EML6: variants seen among roughly 807,000 people sequenced by gnomAD.
EML6 encodes echinoderm microtubule-associated protein-like 6.
EML6 carries 154 observed loss-of-function variants against 240.1 expected under a neutral mutation model. That is an observed-to-expected ratio of 0.64 (90% CI 0.56 to 0.73). EML6 has a LOEUF of 0.73. Ranked by LOEUF, EML6 falls within the 30% of genes least tolerant of loss-of-function variation. The probability of loss-of-function intolerance (pLI) is 0.00; values close to 1 mark genes in which losing one functional copy is unlikely to be tolerated. For synonymous variants in EML6, 1,148 were observed against 899.0 expected (o/e 1.28, Z -4.95); for missense variants, 2,964 against 2,474.6 (o/e 1.20, Z -4.20).
At chr2:54,830,952 A>G (rs911542203) in intron 7 of EML6, among the ~76,000 whole-genome samples, 4 of 152,186 alleles carry the variant, frequency 2.6e-5, no homozygotes, top group Non-Finnish European at 5.9e-5. Context: ...GTCTACCTCA[A>G]TGTAGGGACA....
chr2:54,940,951 A>T (rs915748440), intron 28 of EML6, among the ~76,000 whole-genome samples: 3 of 152,234 alleles, frequency 2.0e-5, no homozygotes, highest in Non-Finnish European at 2.9e-5. Context: ...CAGGTTTACA[A>T]TGAAACAAAG....
intron 2 of EML6, among the ~76,000 whole-genome samples, chr2:54,802,779 T>G (rs2103981175): frequency 6.6e-6 from 1 of 152,304 alleles, no homozygotes; most frequent in Non-Finnish European, 1.5e-5. Flanking sequence ...CACCCTGTGC[T>G]GAGCGTTCCC....
Position 54,816,850 on chromosome 2 carries a change from A to C in EML6, c.421A>C (p.Lys141Gln). 1 of 1,551,554 alleles carries C rather than the reference A, an allele frequency of 6.4e-7. No homozygotes were observed. The highest frequency in any genetic ancestry group is 1.7e-4 in the Middle Eastern group (1 of 5,992). The change falls in exon 4 of 42, where the codon AAA (lysine) becomes CAA (glutamine). Residue 141 changes from lysine to glutamine, a missense_variant. Transcript: ENST00000356458. Reference sequence around the variant, plus strand: ...CTGCATTTGGGACTGGAGGAAGGGAAAACTTCTGGCGTCAGCCACCGGCCA... The same window carrying C: ...CTGCATTTGGGACTGGAGGAAGGGACAACTTCTGGCGTCAGCCACCGGCCA... ...TVCIWDWRKG[K>Q]LLASATGHSD...
At chr2:54,908,722 C>T (rs1289099311) in intron 24 of EML6, among the ~76,000 whole-genome samples, 1 of 152,080 alleles carries the variant, frequency 6.6e-6, no homozygotes, top group Non-Finnish European at 1.5e-5. Flanking sequence ...CCTCGGCTGC[C>T]CCAAAATGCC....
Position 54,891,132 on chromosome 2 carries a change from C to A in EML6, c.2517C>A (p.His839Gln). The A allele has an allele frequency of 6.8e-7, 1 of 1,481,272 alleles. No individual in the cohort carries two copies. The highest frequency in any genetic ancestry group is 1.3e-5 in the South Asian group (1 of 75,080). 91.8% of individuals were successfully genotyped at this position (1,481,272 alleles called of 1,614,324 possible). A position where few individuals can be genotyped will look rare whatever the true frequency, so the allele number is the denominator to read the frequency against. The change falls in exon 18 of 42, where the codon CAC (histidine) becomes CAA (glutamine). Residue 839 changes from histidine (H) to glutamine (Q), a missense_variant. By Grantham distance (24) the His-to-Gln change is conservative. Transcript: ENST00000356458. ...AACTGGTTACAGTTGGGATAAAACA[C>A]ATCAAATTCTGGCAACAAGCAGGTA... The part of the protein sequence containing the change: ...VDKLVTVGIK[H>Q]IKFWQQAGGG...
At chr2:54,793,143 T>C (rs1045409805) in intron 2 of EML6, among the ~76,000 whole-genome samples, 2 of 152,148 alleles carry the variant, frequency 1.3e-5, no homozygotes, top group African/African-American at 4.8e-5. Flanking sequence ...GGTGCATGCC[T>C]GTAATCTCAG....
intron 4 of EML6, among the ~76,000 whole-genome samples, chr2:54,817,595 G>C (rs1171521416): frequency 1.3e-5 from 2 of 152,152 alleles, no homozygotes; most frequent in South Asian, 4.1e-4. Flanking sequence ...GGCCACATTG[G>C]AAGAATTGTC....
At chr2:54,841,544 T>A (rs1034258691) in intron 7 of EML6, among the ~76,000 whole-genome samples, 3 of 151,932 alleles carry the variant, frequency 2.0e-5, no homozygotes, top group Non-Finnish European at 4.4e-5. Context: ...AATTACCCCT[T>A]CTGTTGTCCC....
intron 17 of EML6, among the ~76,000 whole-genome samples, chr2:54,885,572 A>G (rs1672082524): frequency 1.3e-5 from 2 of 152,150 alleles, no homozygotes; most frequent in Admixed American, 6.5e-5. Context: ...CGATATGTCC[A>G]GTAATGTATC....
chr2:54,751,650 T>C (rs1421961800), intron 2 of EML6, among the ~76,000 whole-genome samples: 1 of 152,210 alleles, frequency 6.6e-6, no homozygotes, highest in Non-Finnish European at 1.5e-5. Context: ...TCACTGAAGT[T>C]ATTTTGTGGG....
rs182537347 is a variant in EML6 at position 54,968,448 on chromosome 2, C to G, written c.5751+167C>G. 6.4e-3 allele frequency among the ~76,000 whole-genome samples: 970 copies of G among 152,164 alleles called. 5 individuals are homozygous for G. The highest frequency in any genetic ancestry group is 7.3e-3 in the Non-Finnish European group (495 of 68,008). On this transcript the variant is annotated intron_variant, in intron 40 of 41. Coordinates refer to ENST00000356458, the MANE Select transcript of EML6 (RefSeq NM_001039753.4). The stretch of plus-strand genomic sequence containing the variant: ...CCTCCTGGAGGGGCAGTCCTGGAAG[C>G]CAGAAGGGAGGATGGAGGGTGGATA...
rs1268587014 is a variant in EML6 at position 54,892,534 on chromosome 2, A to G, written c.2620A>G (p.Met874Val). 6.4e-7 allele frequency: 1 copy of G among 1,551,448 alleles called. No homozygotes were observed. Among genetic ancestry groups the G allele is most frequent in the Non-Finnish European group, 8.7e-7 (1 of 1,146,716 alleles). The change falls in exon 19 of 42, where the codon ATG becomes GTG. Residue 874 changes from methionine to valine, a missense_variant. By Grantham distance (21) the Met-to-Val change is conservative. Transcript: ENST00000356458. ...AATGATGTGTGTTTCTTACGGACGA[A>G]TGGAAGATCTAGTGTTCTCAGGAGC... is the stretch of plus-strand genomic sequence containing the variant. ...ETMMCVSYGRMEDLVFSGAAT... is the reference protein window; with the variant it reads ...ETMMCVSYGRVEDLVFSGAAT...
At chr2:54,961,184 G>GTTGTTTTTTTTTTTTGTT in intron 35 of EML6, among the ~76,000 whole-genome samples, 1 of 55,424 alleles carries the variant, frequency 1.8e-5, no homozygotes, top group South Asian at 6.9e-4. Flanking sequence ...TCAGGAAGTA[G>GTTGTTTTTTTTTTTTGTT]TTTTTTTTTT....
At chr2:54,905,644 T>C (rs2104243937) in intron 24 of EML6, among the ~76,000 whole-genome samples, 1 of 152,310 alleles carries the variant, frequency 6.6e-6, no homozygotes, top group Middle Eastern at 3.4e-3. Flanking sequence ...CATCTCAGAA[T>C]TCTTTTCATC....
At position 54,850,125 on chromosome 2, in the gene EML6, C is replaced by G. The variant is rs906609812; in HGVS notation, c.1351C>G (p.Leu451Val). The change falls in exon 10 of 42, where the codon CTT becomes GTT. Residue 451 changes from leucine to valine, a missense_variant. Physicochemically the swap from Leu to Val is conservative, Grantham distance 32. Coordinates refer to ENST00000356458, the MANE Select transcript of EML6 (RefSeq NM_001039753.4). ...YKKIGECSKS[L>V]SFITHIDWSL... ...GAAAATTGGAGAATGCAGCAAGTCCCTTAGTTTCATCACGCATATTGACTG... is the reference window on the plus strand; with the variant it reads ...GAAAATTGGAGAATGCAGCAAGTCCGTTAGTTTCATCACGCATATTGACTG... 14 of 1,551,834 alleles carry G rather than the reference C, an allele frequency of 9.0e-6. No individual in the cohort carries two copies. Among genetic ancestry groups the G allele is most frequent in the South Asian group, 1.2e-5 (1 of 84,060 alleles).
chr2:54,819,842 C>G (rs1300027813), intron 4 of EML6, among the ~76,000 whole-genome samples: 1 of 148,386 alleles, frequency 6.7e-6, no homozygotes, highest in Admixed American at 6.7e-5. Flanking sequence ...ATTGAAAATA[C>G]AATAGTATGT....
At chr2:54,957,300 C>T (rs1676274293) in intron 32 of EML6, among the ~76,000 whole-genome samples, 1 of 147,820 alleles carries the variant, frequency 6.8e-6, no homozygotes, top group South Asian at 2.2e-4. Context: ...AACCTAAACA[C>T]CACAAACTAA....
In EML6 at chr2:54,937,484, T is replaced by A. The variant is rs1462294175; in HGVS notation, c.4004+8733T>A. On this transcript the variant is annotated intron_variant, in intron 28 of 41. Coordinates refer to ENST00000356458, the MANE Select transcript of EML6 (RefSeq NM_001039753.4). ...AAAAGGATCACTTGAGCCTGGGAGGTCAAGGCTGCAGTGAGCCATGATCAT... is the reference window on the plus strand; with the variant it reads ...AAAAGGATCACTTGAGCCTGGGAGGACAAGGCTGCAGTGAGCCATGATCAT... 3.8e-5 allele frequency among the ~76,000 whole-genome samples: 5 copies of A among 131,128 alleles called. No individual in the cohort carries two copies. The East Asian group carries it at 1.1e-3, about 29-fold the overall frequency. 86.0% of individuals were successfully genotyped at this position (131,128 alleles called of 152,430 possible).
intron 2 of EML6, among the ~76,000 whole-genome samples, chr2:54,762,124 T>G (rs1668006194): frequency 6.6e-6 from 1 of 152,214 alleles, no homozygotes; most frequent in Non-Finnish European, 1.5e-5. Context: ...TCATGTCTCC[T>G]TAGTCTCTTT....
Sources: allele counts gnomAD v4.1 joint callset (sites outside exome capture counted in the v4.1 genomes callset), GRCh38; gene constraint gnomAD v4.1.1; transcripts MANE v1.5; gene names NCBI Gene and HGNC (gene_info 2026-07-23, HGNC 2026-07-21).